Variants in SCD5 observed in about 807,000 individuals in gnomAD.
SCD5 encodes stearoyl-CoA desaturase 5, also known as acyl-CoA-desaturase 4.
SCD5 carries 20 observed loss-of-function variants against 30.4 expected under a neutral mutation model. The observed-to-expected ratio is 0.66, with a 90% confidence interval of 0.46 to 0.96. SCD5 has a LOEUF of 0.96. SCD5 is among the 40% of genes least tolerant of loss of function. The pLI is 0.00. For synonymous variants in SCD5, 173 were observed against 176.4 expected (o/e 0.98, Z 0.16); for missense variants, 381 against 443.3 (o/e 0.86, Z 1.26).
At chr4:82,712,280 A>ATACG in intron 1 of SCD5, among the ~76,000 whole-genome samples, 1 of 46,538 alleles carries the variant, frequency 2.1e-5, no homozygotes, top group Non-Finnish European at 3.7e-5. Context: ...ATATATATAT[A>ATACG]TATATATATA....
At chr4:82,745,416 G>C (rs1560550980) in intron 1 of SCD5, among the ~76,000 whole-genome samples, 4 of 152,218 alleles carry the variant, frequency 2.6e-5, no homozygotes, top group Admixed American at 2.0e-4. Context: ...TCAGAACAAG[G>C]AGAGACATGA....
At chr4:82,783,212 A>ACC (rs1721911884) in intron 1 of SCD5, among the ~76,000 whole-genome samples, 1 of 151,986 alleles carries the variant, frequency 6.6e-6, no homozygotes, top group Admixed American at 6.6e-5. Flanking sequence ...CTCTGTTTCC[A>ACC]CCCATCTCCA....
At chr4:82,727,187 G>A (rs895044312) in intron 1 of SCD5, among the ~76,000 whole-genome samples, 6 of 152,176 alleles carry the variant, frequency 3.9e-5, no homozygotes, top group African/African-American at 1.4e-4. Context: ...CTTGACTTTA[G>A]GATGTAAGGG....
At chr4:82,660,432 G>C in intron 3 of SCD5, 1 of 806,614 alleles carries the variant, frequency 1.2e-6, no homozygotes, top group Non-Finnish European at 1.4e-6. Context: ...AATCACTTTT[G>C]ACTTACAAAA....
intron 1 of SCD5, among the ~76,000 whole-genome samples, chr4:82,728,987 C>T (rs75121510): frequency 6.6e-6 from 1 of 151,890 alleles, no homozygotes; most frequent in Non-Finnish European, 1.5e-5. Context: ...TTTCTGACCT[C>T]GATTTTTAAA....
intron 1 of SCD5, among the ~76,000 whole-genome samples, chr4:82,786,288 G>C (rs1721986270): frequency 6.6e-6 from 1 of 151,916 alleles, no homozygotes; most frequent in African/African-American, 2.4e-5. Context: ...ATTAGAGACG[G>C]CCTTTCCAAT....
intron 1 of SCD5, among the ~76,000 whole-genome samples, chr4:82,749,316 C>T (rs78468543): frequency 6.6e-6 from 1 of 152,200 alleles, no homozygotes; most frequent in Admixed American, 6.5e-5. Context: ...AAATCCCAGT[C>T]CGGGGTGATA....
chr4:82,692,934 G>A (rs760482944), intron 2 of SCD5, among the ~76,000 whole-genome samples: 1 of 152,254 alleles, frequency 6.6e-6, no homozygotes, highest in South Asian at 2.1e-4. Flanking sequence ...GGATCCACGA[G>A]CCAGGGGGAC....
chr4:82,737,551 C>A (rs1313671036), intron 1 of SCD5, among the ~76,000 whole-genome samples: 7 of 152,110 alleles, frequency 4.6e-5, no homozygotes. Flanking sequence ...ACACTGTAAT[C>A]CCCTCATAAA....
In SCD5 at chr4:82,631,127, A is replaced by AC. The variant is rs1553913325; in HGVS notation, c.*199_*200insG. ...CTCTGTCTCAAAAACAAAACAAACA[A>AC]AAAAAAAAACGAAAGTTTTTTCATT... is the stretch of plus-strand genomic sequence containing the variant. On this transcript the variant is annotated 3_prime_UTR_variant, in exon 5 of 5. Transcript: ENST00000319540. 4.1e-5 allele frequency: 20 copies of AC among 493,110 alleles called. No individual in the cohort carries two copies. Among genetic ancestry groups the AC allele is most frequent in the Non-Finnish European group, 6.6e-5 (19 of 288,700 alleles). The allele number at this position is 493,110 out of a possible 1,614,324, so 30.5% of individuals were successfully genotyped here.
intron 3 of SCD5, among the ~76,000 whole-genome samples, chr4:82,639,118 C>A (rs938550677): frequency 4.6e-5 from 7 of 152,194 alleles, no homozygotes; most frequent in Non-Finnish European, 8.8e-5. Context: ...TGTGTCAGCT[C>A]CCATCATGGT....
intron 3 of SCD5, among the ~76,000 whole-genome samples, chr4:82,655,514 G>A (rs964259888): frequency 1.3e-5 from 2 of 152,264 alleles, no homozygotes; most frequent in South Asian, 2.1e-4. Flanking sequence ...TCTTTAAGTC[G>A]CTGCTAAAAA....
chr4:82,783,374 A>G (rs1297839470), intron 1 of SCD5, among the ~76,000 whole-genome samples: 3 of 152,228 alleles, frequency 2.0e-5, no homozygotes, highest in Non-Finnish European at 2.9e-5. Context: ...ATTTGCTTCA[A>G]TCTAATCCAA....
At chr4:82,700,787 TAAAAAAAAAAAAA>T (rs70938305) in intron 2 of SCD5, among the ~76,000 whole-genome samples, 21 of 63,800 alleles carry the variant, frequency 3.3e-4, no homozygotes, top group African/African-American at 9.3e-4. Context: ...ACCCTGTCTC[TAAAAAAAAAAAAA>T]AAAAAAAAAA....
intron 1 of SCD5, among the ~76,000 whole-genome samples, chr4:82,779,622 T>C (rs956366490): frequency 1.9e-4 from 29 of 152,280 alleles, no homozygotes; most frequent in Admixed American, 7.2e-4. Flanking sequence ...CTAAGGATGC[T>C]AGGCAGGGCT....
At chr4:82,661,090 A>G (rs1560526886) in intron 3 of SCD5, 3 of 1,611,302 alleles carry the variant, frequency 1.9e-6, no homozygotes, top group South Asian at 2.2e-5. Flanking sequence ...GATAAAAAAT[A>G]AAGAAAATGA....
intron 3 of SCD5, among the ~76,000 whole-genome samples, chr4:82,653,725 T>TAG (rs1553914427): frequency 6.7e-6 from 1 of 148,426 alleles, no homozygotes; most frequent in African/African-American, 2.5e-5. Context: ...GATAGATAGA[T>TAG]ATAGATAGAT....
chr4:82,757,102 G>C (rs1401223651), intron 1 of SCD5, among the ~76,000 whole-genome samples: 1 of 152,064 alleles, frequency 6.6e-6, no homozygotes, highest in Non-Finnish European at 1.5e-5. Flanking sequence ...TTCTTAGTGT[G>C]ACACATAAGG....
At chr4:82,765,622 CT>C (rs547525458) in intron 1 of SCD5, among the ~76,000 whole-genome samples, 7,749 of 144,144 alleles carry the variant, frequency 0.054, 226 homozygotes, top group Middle Eastern at 0.1. Flanking sequence ...GTTATTTTTC[CT>C]TTTTTTTTTT....
Sources: gnomAD v4.1 joint callset for allele counts (sites outside exome capture counted in the v4.1 genomes callset) on GRCh38, gnomAD v4.1.1 for gene constraint, MANE v1.5 for transcripts, NCBI Gene and HGNC (gene_info 2026-07-23, HGNC 2026-07-21) for gene names.